The following CCN4 variants were observed in gnomAD, a reference collection of about 807,000 sequenced individuals.
CCN4 encodes cellular communication network factor 4.
In CCN4, 30 loss-of-function variants were observed where a neutral mutation model predicts 36.7. The ratio of observed to expected loss-of-function variants is 0.82; its 90% CI spans 0.61 to 1.11. The LOEUF (loss-of-function observed/expected upper bound fraction) is 1.11, where lower values mean the gene tolerates loss of function less well. Among genes scored for constraint, CCN4 ranks in the 50% least tolerant of loss-of-function variants. The pLI, the probability that CCN4 is intolerant of heterozygous loss-of-function variation, is 0.00. For missense variants in CCN4, 505 were observed against 504.9 expected (o/e 1.00, Z 0.00); for synonymous variants, 191 against 195.4 (o/e 0.98, Z 0.19).
chr8:133,222,167 G>T (rs1262423944), intron 3 of CCN4, among the ~76,000 whole-genome samples: 1 of 152,212 alleles, frequency 6.6e-6, no homozygotes, highest in Admixed American at 6.5e-5. Context: ...TGGGTAGGTG[G>T]ATAGATGGAT....
intron 3 of CCN4, among the ~76,000 whole-genome samples, chr8:133,221,878 A>C (rs1046795272): frequency 5.9e-5 from 9 of 151,310 alleles, no homozygotes; most frequent in African/African-American, 2.2e-4. Flanking sequence ...GATGATGGAC[A>C]AATAGGTGAA....
Position 133,213,033 on chromosome 8 carries a change from C to A in CCN4, c.239C>A (p.Ala80Asp). 6.2e-7 allele frequency: 1 copy of A among 1,614,180 alleles called. No individual in the cohort carries two copies. The highest frequency in any genetic ancestry group is 8.5e-7 in the Non-Finnish European group (1 of 1,180,000). ...GGCTGTGAGTGCTGTAAGATGTGCG[C>A]TCAGCAGCTTGGGGACAACTGCACG... The part of the protein sequence containing the change: ...TDGCECCKMC[A>D]QQLGDNCTEA... Residue 80 changes from alanine to aspartate, a missense_variant, in exon 2 of 5, where the codon GCT becomes GAT. By Grantham distance (126) the Ala-to-Asp change is moderately radical. Coordinates refer to ENST00000250160, the MANE Select transcript of CCN4 (RefSeq NM_003882.4).
intron 2 of CCN4, 26 bp downstream of exon 2, chr8:133,213,169 A>T: frequency 6.3e-7 from 1 of 1,577,806 alleles, no homozygotes; most frequent in Non-Finnish European, 8.7e-7. Context: ...ATACCTTCTG[A>T]CCAGCCCCTG....
chr8:133,211,838 TTC>T (rs1197818479), intron 1 of CCN4, among the ~76,000 whole-genome samples: 2 of 152,206 alleles, frequency 1.3e-5, no homozygotes, highest in African/African-American at 4.8e-5. Context: ...CCTCAGGCGA[TTC>T]TCTTCCTCTT....
Position 133,212,983 on chromosome 8 carries a change from G to T in CCN4, c.189G>T (p.Pro63=), listed in dbSNP as rs1236323552. ...GCCCGCCATCCCCACCCCGCTGCCC[G>T]CTGGGGGTCAGCCTCATCACAGATG... ...CECPPSPPRC[P]LGVSLITDGC... Residue 63 remains proline, a synonymous_variant, in exon 2 of 5, where the codon CCG becomes CCT. Coordinates refer to ENST00000250160, the MANE Select transcript of CCN4 (RefSeq NM_003882.4). 6.2e-7 allele frequency: 1 copy of T among 1,614,006 alleles called. No homozygotes were observed. Among genetic ancestry groups the T allele is most frequent in the Admixed American group, 1.7e-5 (1 of 60,012 alleles).
chr8:133,226,064 G>A (rs1366607659), intron 4 of CCN4, among the ~76,000 whole-genome samples: 1 of 151,924 alleles, frequency 6.6e-6, no homozygotes, highest in Non-Finnish European at 1.5e-5. Context: ...TTAACATATT[G>A]GAGTTGATCT....
In CCN4 at chr8:133,220,658, A is replaced by C. The variant is rs1161424697; in HGVS notation, c.427A>C (p.Asn143His). 1 of 1,614,044 alleles carries C rather than the reference A, an allele frequency of 6.2e-7. No individual in the cohort carries two copies. Among genetic ancestry groups the C allele is most frequent in the African/African-American group, 1.3e-5 (1 of 74,936 alleles). ...GTCCTTCCAGCCTAACTGCAAGTAC[A>C]ACTGCACGTGCATCGACGGCGCGGT... The part of the protein sequence containing the change: ...GQSFQPNCKY[N>H]CTCIDGAVGC... Residue 143 changes from asparagine to histidine, a missense_variant, in exon 3 of 5, where the codon AAC becomes CAC. Asn to His is a moderately conservative substitution (Grantham distance 68). Coordinates refer to ENST00000250160, the MANE Select transcript of CCN4 (RefSeq NM_003882.4).
rs950078099 is a variant in CCN4 at position 133,229,194 on chromosome 8, C to T, written c.*1484C>T. ...GGTGAGAAAACTCAACCAGAGTCAC[C>T]CAGTTGGTGACTGGGAAAGTTAGGA... On this transcript the variant is annotated 3_prime_UTR_variant, in exon 5 of 5. Transcript: ENST00000250160. The T allele has an allele frequency of 1.3e-5, 2 of 152,058 alleles. No homozygotes were observed. The highest frequency in any genetic ancestry group is 4.8e-5 in the African/African-American group (2 of 41,396). The allele number at this position is 152,058 out of a possible 1,614,324, so 9.4% of individuals were successfully genotyped here. A position where few individuals can be genotyped will look rare whatever the true frequency, so the allele number is the denominator to read the frequency against.
intron 2 of CCN4, among the ~76,000 whole-genome samples, chr8:133,219,644 G>A (rs1257770579): frequency 6.6e-6 from 1 of 152,192 alleles, no homozygotes; most frequent in Admixed American, 6.5e-5. Context: ...TTTTTTAGGA[G>A]TGGTATTTCC....
intron 3 of CCN4, among the ~76,000 whole-genome samples, chr8:133,221,414 C>A (rs1854522630): frequency 6.6e-6 from 1 of 152,032 alleles, no homozygotes; most frequent in Non-Finnish European, 1.5e-5. Flanking sequence ...GATGGGTGGG[C>A]AGATGGATGG....
rs888101569 is a variant in CCN4, at chr8:133,228,925, A to G, written c.*1215A>G. 1 of 152,228 alleles carries G rather than the reference A, an allele frequency of 6.6e-6. No homozygotes were observed. The highest frequency in any genetic ancestry group is 2.4e-5 in the African/African-American group (1 of 41,460). 9.4% of individuals were successfully genotyped at this position (152,228 alleles called of 1,614,324 possible). A position where few individuals can be genotyped will look rare whatever the true frequency, so the allele number is the denominator to read the frequency against. ...TTAGAAACAGAAATAGACTTAATAA[A>G]GGTTTAAAGCTGAAGAGGTTGAAGC... On this transcript the variant is annotated 3_prime_UTR_variant, in exon 5 of 5. Transcript: ENST00000250160.
In CCN4 at chr8:133,227,771, T is replaced by C. The variant is rs886666834; in HGVS notation, c.*61T>C. On this transcript the variant is annotated 3_prime_UTR_variant, in exon 5 of 5. Transcript: ENST00000250160. The stretch of plus-strand genomic sequence containing the variant: ...ATGCCTGTGAAGCAGTCAGCCCTTA[T>C]GGCCAATAACTTTTCACCAATGAGC... 10 of 1,550,180 alleles carry C rather than the reference T, an allele frequency of 6.5e-6. No individual in the cohort carries two copies. The highest frequency in any genetic ancestry group is 3.8e-4 in the Middle Eastern group (2 of 5,316).
At chr8:133,194,412 TTGTGTGGTGTGTGTGTGGTATGTG>T (rs1853243503) in intron 1 of CCN4, among the ~76,000 whole-genome samples, 2 of 71,576 alleles carry the variant, frequency 2.8e-5, no homozygotes, top group African/African-American at 6.1e-5. Flanking sequence ...GTGTGTGGAT[TTGTGTGGTGTGTGTGTGGTATGTG>T]TGTGTGGTGT....
At chr8:133,205,379 T>C (rs1853733367) in intron 1 of CCN4, among the ~76,000 whole-genome samples, 1 of 152,238 alleles carries the variant, frequency 6.6e-6, no homozygotes, top group African/African-American at 2.4e-5. Context: ...CTTTGTCTTT[T>C]TTTTCCCCCT....
chr8:133,218,783 C>T (rs1328566520), intron 2 of CCN4, among the ~76,000 whole-genome samples: 1 of 152,082 alleles, frequency 6.6e-6, no homozygotes, highest in East Asian at 1.9e-4. Flanking sequence ...TCCAGAAGTC[C>T]CCAACTCTCC....
intron 1 of CCN4, among the ~76,000 whole-genome samples, chr8:133,194,393 T>G (rs1588176985): frequency 2.7e-5 from 2 of 74,814 alleles, no homozygotes; most frequent in African/African-American, 5.5e-5. Context: ...GTGTGTGGTG[T>G]GTGGGGGTGT....
At chr8:133,217,291 C>T (rs1248054514) in intron 2 of CCN4, among the ~76,000 whole-genome samples, 2 of 152,206 alleles carry the variant, frequency 1.3e-5, no homozygotes, top group African/African-American at 2.4e-5. Flanking sequence ...TACAACAAGG[C>T]ATGGCCCACT....
At position 133,225,581 on chromosome 8, in the gene CCN4, A is replaced by C. The variant is rs1217271646; in HGVS notation, c.802A>C (p.Lys268Gln). ...PCDVDIHTLI[K>Q]AGKKCLAVYQ... Reference sequence around the variant, plus strand: ...CGATGTGGACATCCATACACTCATTAAGGTGGGTCCAGAGCAGGTGTGGAT... The same window carrying C: ...CGATGTGGACATCCATACACTCATTCAGGTGGGTCCAGAGCAGGTGTGGAT... The change falls in exon 4 of 5, where the codon AAG becomes CAG. Residue 268 changes from lysine (K) to glutamine (Q), a missense_variant and splice_region_variant. By Grantham distance (53) the Lys-to-Gln change is moderately conservative. Transcript: ENST00000250160. The C allele has an allele frequency of 6.2e-7, 1 of 1,600,016 alleles. No individual in the cohort carries two copies. Among genetic ancestry groups the C allele is most frequent in the Non-Finnish European group, 8.5e-7 (1 of 1,170,228 alleles).
intron 1 of CCN4, among the ~76,000 whole-genome samples, chr8:133,204,428 A>C (rs1272408238): frequency 6.6e-6 from 1 of 152,206 alleles, no homozygotes; most frequent in African/African-American, 2.4e-5. Context: ...AAATCTCCAC[A>C]CTTTTCTCTT....
Sources: allele counts gnomAD v4.1 joint callset (sites outside exome capture counted in the v4.1 genomes callset), GRCh38; gene constraint gnomAD v4.1.1; transcripts MANE v1.5; gene names NCBI Gene and HGNC (gene_info 2026-07-23, HGNC 2026-07-21).